The following BCO1 variants were observed in gnomAD, a reference collection of about 807,000 sequenced individuals.
The protein encoded by BCO1 is beta-carotene oxygenase 1.
A neutral mutation model predicts 56.3 loss-of-function variants in BCO1; 54 were observed. The ratio of observed to expected loss-of-function variants is 0.96; its 90% CI spans 0.77 to 1.20. The LOEUF (loss-of-function observed/expected upper bound fraction) is 1.20. Ranked by LOEUF, BCO1 falls within the 50% of genes most tolerant of loss-of-function variation. BCO1 has a pLI of 0.00. For synonymous variants in BCO1, 318 were observed against 266.1 expected (o/e 1.20, Z -1.90); for missense variants, 801 against 690.9 (o/e 1.16, Z -1.79).
chr16:81,250,577 G>GTTTTTTTTTTT (rs1905728628), intron 2 of BCO1, among the ~76,000 whole-genome samples: 4 of 120,870 alleles, frequency 3.3e-5, no homozygotes, highest in African/African-American at 1.0e-4. Context: ...TCTCAATAAA[G>GTTTTTTTTTTT]CTTTTTTTTT....
intron 8 of BCO1, among the ~76,000 whole-genome samples, chr16:81,282,625 C>A (rs1907947149): frequency 1.3e-5 from 2 of 151,876 alleles, no homozygotes; most frequent in Non-Finnish European, 2.9e-5. Context: ...GATGCCAGGT[C>A]TGAAGGCATC....
chr16:81,241,070 T>C (rs984792725), intron 1 of BCO1, among the ~76,000 whole-genome samples: 13 of 152,246 alleles, frequency 8.5e-5, no homozygotes, highest in Middle Eastern at 3.4e-3. Flanking sequence ...CCAACCTCAG[T>C]TGATCCGCCC....
At chr16:81,264,257 A>C (rs1227829743) in intron 4 of BCO1, among the ~76,000 whole-genome samples, 1 of 152,260 alleles carries the variant, frequency 6.6e-6, no homozygotes, top group Non-Finnish European at 1.5e-5. Flanking sequence ...CTCTCTGCCC[A>C]GGTCATTGCT....
intron 2 of BCO1, among the ~76,000 whole-genome samples, chr16:81,255,816 CTTTT>C (rs2151933251): frequency 6.7e-6 from 1 of 148,638 alleles, no homozygotes. Flanking sequence ...TTCTTTCTTT[CTTTT>C]TATTTATTTA....
In BCO1 at chr16:81,290,524, T is replaced by G; in HGVS notation, c.1591T>G (p.Ser531Ala). Residue 531 changes from serine to alanine, a missense_variant, in exon 11 of 11, where the codon TCT (serine) becomes GCT (alanine). By Grantham distance (99) the Ser-to-Ala change is moderately conservative. Transcript: ENST00000258168. ...MDWDTKKQAA[S>A]EEQRDRASDC... ...CTGGGACACAAAAAAGCAGGCCGCTTCTGAGGAACAGCGGGACAGGGCTTC... is the reference window on the plus strand; with the variant it reads ...CTGGGACACAAAAAAGCAGGCCGCTGCTGAGGAACAGCGGGACAGGGCTTC... 1 of 1,614,148 alleles carries G rather than the reference T, an allele frequency of 6.2e-7. No individual in the cohort carries two copies. Among genetic ancestry groups the G allele is most frequent in the Non-Finnish European group, 8.5e-7 (1 of 1,180,026 alleles).
chr16:81,277,065 CAAA>C (rs34671497), intron 7 of BCO1, among the ~76,000 whole-genome samples: 20 of 95,342 alleles, frequency 2.1e-4, no homozygotes, highest in African/African-American at 4.6e-4. Flanking sequence ...GACTCGGTCT[CAAA>C]AAAAAAAAAA....
intron 10 of BCO1, among the ~76,000 whole-genome samples, chr16:81,290,106 C>T (rs1412559990): frequency 1.3e-5 from 2 of 152,156 alleles, no homozygotes; most frequent in African/African-American, 4.8e-5. Context: ...TGAAGTGATC[C>T]GCCCACCTCT....
intron 1 of BCO1, among the ~76,000 whole-genome samples, chr16:81,244,770 AG>A (rs34388820): frequency 7.0e-6 from 1 of 142,398 alleles, no homozygotes; most frequent in African/African-American, 2.7e-5. Context: ...TCTGTTGCCC[AG>A]GCTGGAGTGG....
intron 5 of BCO1, among the ~76,000 whole-genome samples, chr16:81,267,605 T>G (rs2151940253): frequency 6.6e-6 from 1 of 152,202 alleles, no homozygotes; most frequent in East Asian, 1.9e-4. Context: ...AGAGGGAGAC[T>G]CTATCTCAGA....
chr16:81,254,925 C>G (rs1045011020), intron 2 of BCO1, among the ~76,000 whole-genome samples: 5 of 152,134 alleles, frequency 3.3e-5, no homozygotes, highest in African/African-American at 1.2e-4. Flanking sequence ...GCCTCCTGAA[C>G]AGCTGGGACT....
At chr16:81,260,077 C>G (rs749200046) in intron 3 of BCO1, among the ~76,000 whole-genome samples, 1 of 152,148 alleles carries the variant, frequency 6.6e-6, no homozygotes, top group Non-Finnish European at 1.5e-5. Context: ...TTCCCTTCAG[C>G]CTAGAGATCT....
In BCO1 at chr16:81,238,825, G is replaced by C; in HGVS notation, c.-84G>C. The C allele has an allele frequency of 8.5e-7, 1 of 1,181,634 alleles. No individual in the cohort carries two copies. The allele number at this position is 1,181,634 out of a possible 1,614,324, so 73.2% of individuals were successfully genotyped here. A position where few individuals can be genotyped will look rare whatever the true frequency, so the allele number is the denominator to read the frequency against. On this transcript the variant is annotated 5_prime_UTR_variant, in exon 1 of 11. Transcript: ENST00000258168. ...AGGAGCAGGAGAGCAGGAAGGAAACGCAGGAGGAGGGAGCAGCATCTCCTG... is the reference window on the plus strand; with the variant it reads ...AGGAGCAGGAGAGCAGGAAGGAAACCCAGGAGGAGGGAGCAGCATCTCCTG...
chr16:81,258,319 T>G (rs191281375), intron 2 of BCO1, among the ~76,000 whole-genome samples: 1 of 152,332 alleles, frequency 6.6e-6, no homozygotes, highest in Non-Finnish European at 1.5e-5. Flanking sequence ...CTCAATGGAC[T>G]GGTCAAGAGA....
chr16:81,290,234 C>T, intron 10 of BCO1, 114 bp from the exon 11 acceptor site: 1 of 882,894 alleles, frequency 1.1e-6, no homozygotes, highest in Non-Finnish European at 1.8e-6. Flanking sequence ...TTCACTCCCT[C>T]CTGTTTTGGT....
chr16:81,287,502 A>G lies in BCO1; in HGVS notation c.1414+96A>G, dbSNP rs967167692. 68 of 932,544 alleles carry G rather than the reference A, an allele frequency of 7.3e-5. 1 individual carries two copies. The African/African-American group carries it at 1.1e-3, about 15-fold the overall frequency. The allele number at this position is 932,544 out of a possible 1,614,324, so 57.8% of individuals were successfully genotyped here. ...TGGGGGCAGCTGACCCCCCCAGGTCATAAAGGGGGTGGATTGGTGCTTTGA... is the reference window on the plus strand; with the variant it reads ...TGGGGGCAGCTGACCCCCCCAGGTCGTAAAGGGGGTGGATTGGTGCTTTGA... On this transcript the variant is annotated intron_variant, in intron 10 of 10. Transcript: ENST00000258168.
At chr16:81,286,891 T>C (rs1908213384) in intron 9 of BCO1, among the ~76,000 whole-genome samples, 2 of 151,836 alleles carry the variant, frequency 1.3e-5, no homozygotes, top group East Asian at 1.9e-4. Flanking sequence ...AACCTGGCTA[T>C]GGTGAAACCC....
chr16:81,272,911 A>T (rs964380981), intron 7 of BCO1, among the ~76,000 whole-genome samples: 7 of 152,230 alleles, frequency 4.6e-5, no homozygotes, highest in Non-Finnish European at 8.8e-5. Context: ...GCAAGGTCAC[A>T]GCCCAGAGTG....
chr16:81,287,500 T>C, intron 10 of BCO1, 94 bp downstream of exon 10: 1 of 949,934 alleles, frequency 1.1e-6, no homozygotes, highest in African/African-American at 1.6e-5. Context: ...CCCCCCCAGG[T>C]CATAAAGGGG....
At chr16:81,239,780 G>A (rs999576451) in intron 1 of BCO1, among the ~76,000 whole-genome samples, 1 of 152,142 alleles carries the variant, frequency 6.6e-6, no homozygotes, top group Non-Finnish European at 1.5e-5. Flanking sequence ...TAGAGGCTCT[G>A]TGTTTCGCTT....
Sources: allele counts gnomAD v4.1 joint callset (sites outside exome capture counted in the v4.1 genomes callset), GRCh38; gene constraint gnomAD v4.1.1; transcripts MANE v1.5; gene names NCBI Gene and HGNC (gene_info 2026-07-23, HGNC 2026-07-21).